CNBD1: variants seen among roughly 807,000 people sequenced by gnomAD.
CNBD1 encodes the protein cyclic nucleotide binding domain containing 1.
A neutral mutation model predicts 54.4 loss-of-function variants in CNBD1; 71 were observed. That is an observed-to-expected ratio of 1.30 (90% CI 1.08 to 1.59). CNBD1 has a LOEUF of 1.59. Ranked by LOEUF, CNBD1 falls within the 40% of genes most tolerant of loss-of-function variation. The probability of loss-of-function intolerance (pLI) is 0.00; values close to 1 mark genes in which losing one functional copy is unlikely to be tolerated. For missense variants in CNBD1, 659 were observed against 518.0 expected (o/e 1.27, Z -2.64); for synonymous variants, 182 against 170.7 (o/e 1.07, Z -0.51).
intron 6 of CNBD1, among the ~76,000 whole-genome samples, chr8:87,248,396 T>C (rs1807849034): frequency 6.6e-6 from 1 of 152,220 alleles, no homozygotes; most frequent in African/African-American, 2.4e-5. Context: ...AAAGACTTCC[T>C]AGCTTTAGCA....
downstream of CNBD1, among the ~76,000 whole-genome samples, chr8:87,383,481 A>G (rs111953474): frequency 0.015 from 2,287 of 152,268 alleles, 59 homozygotes; most frequent in African/African-American, 0.049. Context: ...TTTTTCTGTC[A>G]TTCCCACATG....
chr8:87,019,510 AC>A (rs1809437664), intron 4 of CNBD1, among the ~76,000 whole-genome samples: 1 of 152,174 alleles, frequency 6.6e-6, no homozygotes, highest in South Asian at 2.1e-4. Flanking sequence ...AACACCAAGA[AC>A]CAGGCATTTC....
At chr8:87,071,759 T>A (rs576122135) in intron 4 of CNBD1, among the ~76,000 whole-genome samples, 4 of 152,284 alleles carry the variant, frequency 2.6e-5, no homozygotes, top group African/African-American at 9.6e-5. Flanking sequence ...GTAAGTGTCA[T>A]GTGGCGATAA....
rs576466749 is a variant in CNBD1 at position 87,329,544 on chromosome 8, T to C, written c.1043-22141T>C. 7.9e-5 allele frequency among the ~76,000 whole-genome samples: 12 copies of C among 152,256 alleles called. No individual in the cohort carries two copies. In the East Asian group the frequency reaches 2.3e-3, roughly 29 times the overall value. ...CCTTGCATTCATGAAATATAATATC[T>C]CTCCAGTTATATAGTACTTCTTTGA... On this transcript the variant is annotated intron_variant, in intron 8 of 10. Coordinates refer to ENST00000518476, the MANE Select transcript of CNBD1 (RefSeq NM_173538.3).
intron 2 of CNBD1, among the ~76,000 whole-genome samples, chr8:87,420,383 G>A (rs560344929): frequency 6.6e-6 from 1 of 151,966 alleles, no homozygotes. Context: ...AAGGTACAAA[G>A]AAAAGGAAAC....
intron 10 of CNBD1, among the ~76,000 whole-genome samples, chr8:87,380,269 A>G (rs909013101): frequency 1.3e-5 from 2 of 151,990 alleles, no homozygotes; most frequent in Non-Finnish European, 2.9e-5. Flanking sequence ...AGAAATGGAC[A>G]TGATAATACT....
rs569652301 is a variant in CNBD1, at chr8:87,378,807, G to C, written c.1304-3813G>C. 2.1e-3 allele frequency among the ~76,000 whole-genome samples: 315 copies of C among 150,892 alleles called. 2 individuals carry two copies. The highest frequency in any genetic ancestry group is 3.0e-3 in the Non-Finnish European group (206 of 67,908). On this transcript the variant is annotated intron_variant, in intron 10 of 10. Coordinates refer to ENST00000518476, the MANE Select transcript of CNBD1 (RefSeq NM_173538.3). ...ATGAGCATGGAATGTTCTTCCATTTGTTTGTATCCGCTTTTATTTCCTTGA... is the reference window on the plus strand; with the variant it reads ...ATGAGCATGGAATGTTCTTCCATTTCTTTGTATCCGCTTTTATTTCCTTGA...
intron 1 of CNBD1, among the ~76,000 whole-genome samples, chr8:86,867,471 T>C (rs1379965722): frequency 5.9e-5 from 9 of 152,178 alleles, no homozygotes; most frequent in African/African-American, 2.2e-4. Context: ...TTTAAAAAAT[T>C]AATGCTCATA....
At chr8:87,012,808 C>CT (rs1563857875) in intron 4 of CNBD1, among the ~76,000 whole-genome samples, 2 of 152,198 alleles carry the variant, frequency 1.3e-5, no homozygotes, top group African/African-American at 4.8e-5. Context: ...GAAGCCCCCA[C>CT]TTTGAGTTGT....
At chr8:87,100,105 G>T (rs2130691840) in intron 4 of CNBD1, among the ~76,000 whole-genome samples, 1 of 152,266 alleles carries the variant, frequency 6.6e-6, no homozygotes, top group South Asian at 2.1e-4. Context: ...AGGAATGAAT[G>T]TCAAATTCTT....
chr8:87,333,078 G>C (rs1236827511), intron 8 of CNBD1, among the ~76,000 whole-genome samples: 3 of 152,042 alleles, frequency 2.0e-5, no homozygotes, highest in Non-Finnish European at 2.9e-5. Flanking sequence ...TCCTTGAAGA[G>C]GTTCTTCATG....
At chr8:86,879,339 TAAAG>T (rs1411871311) in intron 1 of CNBD1, among the ~76,000 whole-genome samples, 1 of 152,198 alleles carries the variant, frequency 6.6e-6, no homozygotes, top group African/African-American at 2.4e-5. Context: ...TAAAAAGTCA[TAAAG>T]AAAGATATTA....
intron 3 of CNBD1, among the ~76,000 whole-genome samples, chr8:86,933,999 T>G (rs1809502033): frequency 6.6e-6 from 1 of 152,182 alleles, no homozygotes; most frequent in Admixed American, 6.5e-5. Flanking sequence ...CAGTGGCTAC[T>G]TGATAGGATA....
intron 4 of CNBD1, among the ~76,000 whole-genome samples, chr8:86,985,877 T>C (rs1808594348): frequency 6.6e-6 from 1 of 152,202 alleles, no homozygotes; most frequent in South Asian, 2.1e-4. Flanking sequence ...TTGGTACTTT[T>C]ATAATAGCTA....
intron 6 of CNBD1, among the ~76,000 whole-genome samples, chr8:87,267,372 T>A (rs1303593086): frequency 6.6e-6 from 1 of 152,074 alleles, no homozygotes; most frequent in East Asian, 1.9e-4. Flanking sequence ...TGAAAAAAAA[T>A]TAGACAATAT....
At chr8:87,395,869 A>C (rs1056188729) in intron 2 of CNBD1, among the ~76,000 whole-genome samples, 1 of 151,854 alleles carries the variant, frequency 6.6e-6, no homozygotes. Context: ...GTGAGTTCTC[A>C]CAGGATCTGA....
At chr8:87,319,558 T>C (rs917186137) in intron 8 of CNBD1, among the ~76,000 whole-genome samples, 8 of 152,128 alleles carry the variant, frequency 5.3e-5, no homozygotes, top group African/African-American at 1.9e-4. Flanking sequence ...CATTGGAAAA[T>C]TTCTACTATA....
chr8:87,309,357 T>TCATTTCTTG (rs1809219031), intron 8 of CNBD1, among the ~76,000 whole-genome samples: 1 of 152,182 alleles, frequency 6.6e-6, no homozygotes, highest in Non-Finnish European at 1.5e-5. Flanking sequence ...GTTATACCTG[T>TCATTTCTTG]CATTTCTTGC....
At chr8:87,410,406 T>C (rs1807721509) in intron 2 of CNBD1, among the ~76,000 whole-genome samples, 2 of 152,136 alleles carry the variant, frequency 1.3e-5, no homozygotes, top group Admixed American at 1.3e-4. Context: ...CCATTAAGAA[T>C]GTGGTGATTC....
Sources: allele counts gnomAD v4.1 joint callset (sites outside exome capture counted in the v4.1 genomes callset), GRCh38; gene constraint gnomAD v4.1.1; transcripts MANE v1.5; gene names NCBI Gene and HGNC (gene_info 2026-07-23, HGNC 2026-07-21).